Variants in DNM3 observed in about 807,000 individuals in gnomAD.
The protein encoded by DNM3 is dynamin 3.
A neutral mutation model predicts 101.6 loss-of-function variants in DNM3; 47 were observed. The observed-to-expected ratio is 0.46, with a 90% confidence interval of 0.37 to 0.59. The LOEUF is 0.59. Ranked by LOEUF, DNM3 falls within the 20% of genes least tolerant of loss-of-function variation. The pLI is 0.00. For missense variants in DNM3, 849 were observed against 1,085.7 expected (o/e 0.78, Z 3.06); for synonymous variants, 385 against 387.9 (o/e 0.99, Z 0.09).
At position 172,173,457 on chromosome 1, in the gene DNM3, A is replaced by G. The variant is rs146068991; in HGVS notation, c.1659+42169A>G. ...TAAGTCATTCAGGTGAAGACATCCA[A>G]TTGAAAATACAAAACTTAGTCTCAA... On this transcript the variant is annotated intron_variant, in intron 14 of 20. Transcript: ENST00000627582. 2.8e-3 allele frequency among the ~76,000 whole-genome samples: 422 copies of G among 151,552 alleles called. 2 individuals carry two copies. The highest frequency in any genetic ancestry group is 9.7e-3 in the African/African-American group (403 of 41,396).
In DNM3 at chr1:172,308,752, C is replaced by T. The variant is rs1289736423; in HGVS notation, c.1794C>T (p.Phe598=). 2 of 1,603,866 alleles carry T rather than the reference C, an allele frequency of 1.2e-6. No individual in the cohort carries two copies. Among genetic ancestry groups the T allele is most frequent in the Middle Eastern group, 1.7e-4 (1 of 6,026 alleles). Residue 598 remains phenylalanine, a synonymous_variant, in exon 16 of 21, where the codon TTC becomes TTT. Coordinates refer to ENST00000627582, the MANE Select transcript of DNM3 (RefSeq NM_015569.5). ...EQRNVYKDYR[F]LELACDSQED... Reference sequence around the variant, plus strand: ...GGAATGTATACAAAGACTATCGCTTCCTTGAGCTGGCATGTGATTCCCAGG... The same window carrying T: ...GGAATGTATACAAAGACTATCGCTTTCTTGAGCTGGCATGTGATTCCCAGG...
chr1:171,925,700 CTTTAG>C (rs1321871521), intron 2 of DNM3, among the ~76,000 whole-genome samples: 2 of 152,064 alleles, frequency 1.3e-5, no homozygotes, highest in African/African-American at 2.4e-5. Context: ...TGCATAATGT[CTTTAG>C]TTTAGTTAAG....
At chr1:171,986,498 G>A (rs2045266839) in intron 2 of DNM3, among the ~76,000 whole-genome samples, 1 of 152,040 alleles carries the variant, frequency 6.6e-6, no homozygotes, top group Admixed American at 6.5e-5. Context: ...TCTACCTGCA[G>A]TAACTAAAGT....
At chr1:172,240,497 T>C (rs1164350675) in intron 14 of DNM3, among the ~76,000 whole-genome samples, 1 of 152,218 alleles carries the variant, frequency 6.6e-6, no homozygotes, top group Non-Finnish European at 1.5e-5. Flanking sequence ...GTAAAAATCA[T>C]GCTGCATTTG....
At chr1:172,192,880 G>A (rs2059788478) in intron 14 of DNM3, among the ~76,000 whole-genome samples, 1 of 150,946 alleles carries the variant, frequency 6.6e-6, no homozygotes, top group South Asian at 2.1e-4. Flanking sequence ...ATAGTCCTTT[G>A]GGTATATACC....
intron 17 of DNM3, among the ~76,000 whole-genome samples, chr1:172,357,016 T>A (rs2067486812): frequency 6.6e-6 from 1 of 152,064 alleles, no homozygotes; most frequent in African/African-American, 2.4e-5. Context: ...ATAATGACAG[T>A]AATGGATTAT....
intron 1 of DNM3, among the ~76,000 whole-genome samples, chr1:171,918,197 T>C (rs910990365): frequency 6.6e-6 from 1 of 152,236 alleles, no homozygotes; most frequent in Admixed American, 6.5e-5. Context: ...ACTGTGGCTG[T>C]GTTATATCAA....
chr1:171,921,378 A>G (rs545025109), intron 1 of DNM3, among the ~76,000 whole-genome samples: 1 of 152,254 alleles, frequency 6.6e-6, no homozygotes, highest in South Asian at 2.1e-4. Context: ...TTTAATTATC[A>G]AAAAGAGTTT....
chr1:171,915,008 C>T (rs920767759), intron 1 of DNM3, among the ~76,000 whole-genome samples: 6 of 152,022 alleles, frequency 3.9e-5, no homozygotes, highest in Non-Finnish European at 7.4e-5. Flanking sequence ...TGCCTAGACA[C>T]GAAGTCTAAG....
chr1:172,116,294 A>G (rs1376015897), intron 13 of DNM3, among the ~76,000 whole-genome samples: 2 of 152,190 alleles, frequency 1.3e-5, no homozygotes, highest in African/African-American at 4.8e-5. Flanking sequence ...TTTCACACAC[A>G]TATGATCATT....
At chr1:172,192,702 G>A (rs1248687127) in intron 14 of DNM3, among the ~76,000 whole-genome samples, 1 of 151,894 alleles carries the variant, frequency 6.6e-6, no homozygotes, top group Non-Finnish European at 1.5e-5. Flanking sequence ...CAAAGGACAT[G>A]AACTCATCAT....
chr1:172,279,897 A>T (rs1052053261), intron 15 of DNM3, among the ~76,000 whole-genome samples: 5 of 152,012 alleles, frequency 3.3e-5, no homozygotes, highest in Admixed American at 6.6e-5. Context: ...GGTATTTTTT[A>T]AAAAATAGAT....
intron 15 of DNM3, among the ~76,000 whole-genome samples, chr1:172,281,970 A>G (rs1450670176): frequency 1.3e-5 from 2 of 152,198 alleles, no homozygotes; most frequent in East Asian, 3.8e-4. Flanking sequence ...TGGTCCTCCC[A>G]ATTCTTTGCT....
At chr1:172,124,163 T>C (rs1363951276) in intron 13 of DNM3, among the ~76,000 whole-genome samples, 1 of 152,208 alleles carries the variant, frequency 6.6e-6, no homozygotes, top group African/African-American at 2.4e-5. Flanking sequence ...ATCAACAAAC[T>C]AGACATGGGA....
intron 1 of DNM3, among the ~76,000 whole-genome samples, chr1:171,847,435 T>A (rs2032291184): frequency 6.6e-6 from 1 of 152,154 alleles, no homozygotes; most frequent in Admixed American, 6.6e-5. Context: ...TGGTGATCTG[T>A]GTCTCAGTTT....
intron 17 of DNM3, among the ~76,000 whole-genome samples, chr1:172,355,959 A>T (rs1401961316): frequency 6.6e-6 from 1 of 152,120 alleles, no homozygotes; most frequent in Non-Finnish European, 1.5e-5. Flanking sequence ...TAACCATAAA[A>T]GCATCCAGAG....
intron 14 of DNM3, among the ~76,000 whole-genome samples, chr1:172,145,561 T>C (rs2057847487): frequency 6.6e-6 from 1 of 152,172 alleles, no homozygotes. Context: ...TCATGGCCTC[T>C]ACATGAGTAA....
At chr1:172,238,312 T>C (rs1393602311) in intron 14 of DNM3, among the ~76,000 whole-genome samples, 3 of 152,150 alleles carry the variant, frequency 2.0e-5, no homozygotes, top group South Asian at 2.1e-4. Flanking sequence ...AGAGTTTTCA[T>C]GTCCAACCTT....
chr1:172,138,400 GT>G (rs2148134334), intron 14 of DNM3: 1 of 144,792 alleles, frequency 6.9e-6, no homozygotes, highest in South Asian at 2.2e-4. Flanking sequence ...ACCATACTTA[GT>G]TTATGGACAA....
Sources: gnomAD v4.1 joint callset for allele counts (sites outside exome capture counted in the v4.1 genomes callset) on GRCh38, gnomAD v4.1.1 for gene constraint, MANE v1.5 for transcripts, NCBI Gene and HGNC (gene_info 2026-07-23, HGNC 2026-07-21) for gene names.